STPG2: variants seen among roughly 807,000 people sequenced by gnomAD.
STPG2 encodes the protein sperm-tail PG-rich repeat-containing protein 2.
In STPG2, 56 loss-of-function variants were observed where a neutral mutation model predicts 54.2. The observed-to-expected ratio is 1.03, with a 90% CI of 0.83 to 1.29. The LOEUF (loss-of-function observed/expected upper bound fraction) is 1.29, where lower values mean the gene tolerates loss of function less well. STPG2 is among the 50% of genes most tolerant of loss of function. STPG2 has a pLI of 0.00. For synonymous variants in STPG2, 200 were observed against 181.8 expected, an observed-to-expected ratio of 1.10 and a Z score of -0.81; for missense variants, 596 against 544.9, an observed-to-expected ratio of 1.09 and a Z score of -0.93.
chr4:97,901,012 G>GA (rs1298049388), intron 8 of STPG2, among the ~76,000 whole-genome samples: 1 of 151,608 alleles, frequency 6.6e-6, no homozygotes, highest in Admixed American at 6.6e-5. Context: ...AACACTCAAA[G>GA]AAAAAAACAA....
At chr4:97,482,639 G>T (rs1251090054) in intron 4 of STPG2, among the ~76,000 whole-genome samples, 1 of 151,534 alleles carries the variant, frequency 6.6e-6, no homozygotes, top group African/African-American at 2.4e-5. Context: ...ATATTTGGGG[G>T]AATAATCAAA....
intron 8 of STPG2, among the ~76,000 whole-genome samples, chr4:97,885,704 G>A (rs112482200): frequency 0.025 from 3,762 of 152,106 alleles, 101 homozygotes; most frequent in African/African-American, 0.072. Context: ...AAATACAATG[G>A]GCCAGCATTT....
chr4:98,034,022 T>C (rs913918011), intron 5 of STPG2, among the ~76,000 whole-genome samples: 2 of 152,140 alleles, frequency 1.3e-5, no homozygotes, highest in Admixed American at 1.3e-4. Context: ...GCTGGAAGCA[T>C]TCCCTTTGAA....
intron 9 of STPG2, among the ~76,000 whole-genome samples, chr4:97,797,276 G>C (rs1727224423): frequency 6.6e-6 from 1 of 152,178 alleles, no homozygotes; most frequent in Admixed American, 6.5e-5. Context: ...AGTTTTCAAA[G>C]GGAATGCTTC....
intron 5 of STPG2, among the ~76,000 whole-genome samples, chr4:98,050,706 TG>T (rs1291832845): frequency 2.0e-5 from 3 of 152,154 alleles, no homozygotes; most frequent in African/African-American, 7.2e-5. Flanking sequence ...ATCATACCAA[TG>T]TTTTTAACGA....
chr4:97,671,652 A>C (rs1722700060), intron 10 of STPG2, among the ~76,000 whole-genome samples: 1 of 152,202 alleles, frequency 6.6e-6, no homozygotes, highest in Non-Finnish European at 1.5e-5. Flanking sequence ...GTACCCTTTT[A>C]GTGTCAGATG....
rs1739636362 is a variant in STPG2, at chr4:98,120,125, G to T, written c.387+8303C>A. Among the ~76,000 whole-genome samples, 4 of 152,060 alleles carry T rather than the reference G, an allele frequency of 2.6e-5. No homozygotes were observed. The South Asian group carries it at 8.3e-4, about 32-fold the overall frequency. On this transcript the variant is annotated intron_variant, in intron 3 of 10. Transcript: ENST00000295268. Reference sequence around the variant, plus strand: ...AAATGGAGTCTTGCTCTGTCACCCAGGCTGGAGTACAGTGGCTCAATCTTA... The same window carrying T: ...AAATGGAGTCTTGCTCTGTCACCCATGCTGGAGTACAGTGGCTCAATCTTA...
At chr4:97,441,831 A>T (rs758922373) in intron 4 of STPG2, among the ~76,000 whole-genome samples, 1 of 152,052 alleles carries the variant, frequency 6.6e-6, no homozygotes, top group Non-Finnish European at 1.5e-5. Flanking sequence ...TAGACATTAC[A>T]TCATGATAAT....
chr4:97,595,125 A>G (rs1733251680), intron 10 of STPG2, among the ~76,000 whole-genome samples: 1 of 152,254 alleles, frequency 6.6e-6, no homozygotes, highest in Non-Finnish European at 1.5e-5. Context: ...ATTATAAATC[A>G]TGCTGCTATA....
At chr4:97,685,484 C>G (rs1198183074) in intron 10 of STPG2, among the ~76,000 whole-genome samples, 1 of 152,038 alleles carries the variant, frequency 6.6e-6, no homozygotes, top group African/African-American at 2.4e-5. Flanking sequence ...GTATGATATT[C>G]TTGAAAAAGC....
chr4:97,979,776 G>A (rs1289736383), intron 6 of STPG2, among the ~76,000 whole-genome samples: 1 of 150,746 alleles, frequency 6.6e-6, no homozygotes, highest in African/African-American at 2.4e-5. Context: ...CCAGGCTGGA[G>A]TGCAGTGGCA....
At chr4:97,826,082 C>T (rs58793072) in intron 9 of STPG2, among the ~76,000 whole-genome samples, 4,101 of 152,184 alleles carry the variant, frequency 0.027, 187 homozygotes, top group African/African-American at 0.092. Context: ...GAAGAGTCAG[C>T]TTTTATCTAC....
intron 9 of STPG2, among the ~76,000 whole-genome samples, chr4:97,725,954 G>T (rs565915280): frequency 6.6e-6 from 1 of 151,756 alleles, no homozygotes; most frequent in African/African-American, 2.4e-5. Flanking sequence ...CCTTCTGATC[G>T]TATTGGCATC....
At chr4:97,828,242 C>T (rs936246802) in intron 9 of STPG2, among the ~76,000 whole-genome samples, 7 of 152,096 alleles carry the variant, frequency 4.6e-5, no homozygotes, top group Non-Finnish European at 8.8e-5. Flanking sequence ...GGATTGCGAG[C>T]CAAAGCAGGC....
At chr4:97,708,801 T>TA (rs917421367) in intron 10 of STPG2, among the ~76,000 whole-genome samples, 10 of 150,504 alleles carry the variant, frequency 6.6e-5, no homozygotes, top group Admixed American at 2.0e-4. Flanking sequence ...ATCCCATAAT[T>TA]AAAAAAAAAT....
chr4:97,528,409 A>G (rs1423716768), intron 4 of STPG2, among the ~76,000 whole-genome samples: 1 of 151,938 alleles, frequency 6.6e-6, no homozygotes, highest in East Asian at 1.9e-4. Flanking sequence ...GTAGCTTTGG[A>G]GTATAGTTTG....
At chr4:97,931,899 T>C (rs993161721) in intron 8 of STPG2, among the ~76,000 whole-genome samples, 2 of 152,126 alleles carry the variant, frequency 1.3e-5, no homozygotes, top group Admixed American at 6.6e-5. Flanking sequence ...GGTAGGCTAT[T>C]TATTACTGAT....
At chr4:97,783,275 A>C (rs1374830241) in intron 9 of STPG2, among the ~76,000 whole-genome samples, 1 of 152,256 alleles carries the variant, frequency 6.6e-6, no homozygotes, top group Non-Finnish European at 1.5e-5. Context: ...GGATATGAAC[A>C]GCCACTTCTC....
Position 98,052,594 on chromosome 4 carries a change from T to C in STPG2, c.612+53359A>G, listed in dbSNP as rs145929477. Among the ~76,000 whole-genome samples the C allele has an allele frequency of 1.1e-3, 173 of 152,308 alleles. 4 individuals carry two copies. The East Asian group carries it at 0.028, about 25-fold the overall frequency. On this transcript the variant is annotated intron_variant, in intron 5 of 10. Coordinates refer to ENST00000295268, the MANE Select transcript of STPG2 (RefSeq NM_174952.3). ...AAGTTCAATAATACATTCTTCACATTTAGCACTCCATTTTAATATACATCA... is the reference window on the plus strand; with the variant it reads ...AAGTTCAATAATACATTCTTCACATCTAGCACTCCATTTTAATATACATCA...
Sources: gnomAD v4.1 joint callset for allele counts (sites outside exome capture counted in the v4.1 genomes callset) on GRCh38, gnomAD v4.1.1 for gene constraint, MANE v1.5 for transcripts, NCBI Gene and HGNC (gene_info 2026-07-23, HGNC 2026-07-21) for gene names.